The following HS6ST3 variants were observed in gnomAD, a reference collection of about 807,000 sequenced individuals.
HS6ST3 encodes heparan-sulfate 6-O-sulfotransferase 3.
In HS6ST3, 12 loss-of-function variants were observed where a neutral mutation model predicts 36.7. The observed-to-expected ratio is 0.33, with a 90% CI of 0.21 to 0.53. The LOEUF is 0.53. HS6ST3 is among the 20% of genes least tolerant of loss of function. HS6ST3 has a pLI of 0.95. For synonymous variants in HS6ST3, 240 were observed against 257.5 expected, an observed-to-expected ratio of 0.93 and a Z score of 0.65; for missense variants, 584 against 640.9, an observed-to-expected ratio of 0.91 and a Z score of 0.96.
intron 1 of HS6ST3, among the ~76,000 whole-genome samples, chr13:96,156,342 A>G (rs955502127): frequency 1.3e-5 from 2 of 152,226 alleles, no homozygotes; most frequent in Non-Finnish European, 2.9e-5. Context: ...GCAGACAAGA[A>G]GCACTGAGAA....
chr13:96,287,431 T>G (rs544541859), intron 1 of HS6ST3, among the ~76,000 whole-genome samples: 2 of 152,296 alleles, frequency 1.3e-5, no homozygotes, highest in East Asian at 3.9e-4. Context: ...AAGAACATTA[T>G]CCACATATAG....
intron 1 of HS6ST3, among the ~76,000 whole-genome samples, chr13:96,258,870 A>G (rs890224039): frequency 1.3e-5 from 2 of 152,174 alleles, no homozygotes; most frequent in Non-Finnish European, 1.5e-5. Context: ...ATAGGTGGTT[A>G]TAGATTAAAA....
intron 1 of HS6ST3, among the ~76,000 whole-genome samples, chr13:96,338,441 T>A (rs1190649959): frequency 6.6e-6 from 1 of 152,190 alleles, no homozygotes; most frequent in Admixed American, 6.5e-5. Context: ...CTCAGAATCC[T>A]TCTTTCTTTC....
At chr13:96,580,041 C>T (rs973866524) in intron 1 of HS6ST3, among the ~76,000 whole-genome samples, 7 of 151,862 alleles carry the variant, frequency 4.6e-5, no homozygotes, top group African/African-American at 1.7e-4. Context: ...CTATATAATA[C>T]CTTAAGATTT....
At chr13:96,830,663 G>A (rs773960648) in intron 1 of HS6ST3, among the ~76,000 whole-genome samples, 3 of 152,164 alleles carry the variant, frequency 2.0e-5, no homozygotes, top group Non-Finnish European at 2.9e-5. Context: ...GTACATGCTA[G>A]GTCACATTGA....
chr13:96,508,574 T>G (rs1241894838), intron 1 of HS6ST3, among the ~76,000 whole-genome samples: 1 of 152,140 alleles, frequency 6.6e-6, no homozygotes, highest in Non-Finnish European at 1.5e-5. Flanking sequence ...TATCATTCTG[T>G]ATGCCTTTGT....
chr13:96,251,502 A>G (rs141946963), intron 1 of HS6ST3, among the ~76,000 whole-genome samples: 1 of 151,894 alleles, frequency 6.6e-6, no homozygotes, highest in East Asian at 1.9e-4. Context: ...CTAAAGGTTT[A>G]TTGATTTTGT....
At chr13:96,674,168 T>G (rs1306854645) in intron 1 of HS6ST3, among the ~76,000 whole-genome samples, 1 of 152,046 alleles carries the variant, frequency 6.6e-6, no homozygotes. Flanking sequence ...GAGTGAGTTC[T>G]CATGAGATCT....
rs114616984 is a variant in HS6ST3, at chr13:96,205,562, G to A, written c.707+113993G>A. On this transcript the variant is annotated intron_variant, in intron 1 of 1. Transcript: ENST00000376705. Reference sequence around the variant, plus strand: ...CAGGCCAATATCCTTGATGAGCATCGATACAAAAATCTTCAATGAAATACT... The same window carrying A: ...CAGGCCAATATCCTTGATGAGCATCAATACAAAAATCTTCAATGAAATACT... 9.7e-3 allele frequency among the ~76,000 whole-genome samples: 1,480 copies of A among 152,090 alleles called. 25 individuals carry two copies. Among genetic ancestry groups the A allele is most frequent in the African/African-American group, 0.034 (1,420 of 41,472 alleles).
intron 1 of HS6ST3, among the ~76,000 whole-genome samples, chr13:96,671,264 T>G (rs572450893): frequency 6.7e-4 from 102 of 152,230 alleles, no homozygotes; most frequent in African/African-American, 2.4e-3. Flanking sequence ...CAAATTCTTT[T>G]GAACCCAAAT....
At chr13:96,533,309 A>T (rs1404136032) in intron 1 of HS6ST3, among the ~76,000 whole-genome samples, 1 of 152,172 alleles carries the variant, frequency 6.6e-6, no homozygotes, top group African/African-American at 2.4e-5. Context: ...ACATTTATTT[A>T]CTTAAAAACA....
chr13:96,250,966 T>G (rs1352696438), intron 1 of HS6ST3, among the ~76,000 whole-genome samples: 2 of 152,236 alleles, frequency 1.3e-5, no homozygotes, highest in Non-Finnish European at 1.5e-5. Context: ...CATAATCCTT[T>G]TAATGTACTG....
At chr13:96,361,808 A>G (rs1231279689) in intron 1 of HS6ST3, among the ~76,000 whole-genome samples, 1 of 152,214 alleles carries the variant, frequency 6.6e-6, no homozygotes, top group African/African-American at 2.4e-5. Flanking sequence ...TATTTGGTTC[A>G]TTAGAGATGC....
intron 1 of HS6ST3, among the ~76,000 whole-genome samples, chr13:96,665,395 A>C (rs1303787065): frequency 6.6e-6 from 1 of 152,186 alleles, no homozygotes; most frequent in Non-Finnish European, 1.5e-5. Flanking sequence ...GTAGTGAAGG[A>C]GTACTAAAAA....
Position 96,832,864 on chromosome 13 carries a change from A to G in HS6ST3, c.1082A>G (p.Gln361Arg). The change falls in exon 2 of 2, where the codon CAG (glutamine) becomes CGG (arginine). Residue 361 changes from glutamine to arginine, a missense_variant. By Grantham distance (43) the Gln-to-Arg change is conservative (BLOSUM62 1). Transcript: ENST00000376705. ...FGLTEFQRKT[Q>R]FLFERTFNLK... is the part of the protein sequence containing the mutation. ...CTCACTGAGTTCCAGAGGAAGACAC[A>G]GTTTCTCTTTGAGAGAACATTCAAC... The G allele has an allele frequency of 6.2e-7, 1 of 1,614,230 alleles. No homozygotes were observed. The highest frequency in any genetic ancestry group is 1.1e-5 in the South Asian group (1 of 91,078).
chr13:96,202,574 A>G (rs1223896175), intron 1 of HS6ST3, among the ~76,000 whole-genome samples: 1 of 152,216 alleles, frequency 6.6e-6, no homozygotes, highest in African/African-American at 2.4e-5. Flanking sequence ...GAATTGGAGC[A>G]GCTGCTCTCA....
At chr13:96,498,261 T>A (rs1309975213) in intron 1 of HS6ST3, among the ~76,000 whole-genome samples, 1 of 152,206 alleles carries the variant, frequency 6.6e-6, no homozygotes, top group East Asian at 1.9e-4. Flanking sequence ...GCCCAAACTT[T>A]AGGCAGTTAA....
intron 1 of HS6ST3, among the ~76,000 whole-genome samples, chr13:96,135,740 C>T (rs531828768): frequency 3.9e-5 from 6 of 152,244 alleles, no homozygotes; most frequent in South Asian, 4.1e-4. Flanking sequence ...GGATGGTGCC[C>T]GGTTCAAGAG....
At chr13:96,636,371 T>C (rs2056549852) in intron 1 of HS6ST3, among the ~76,000 whole-genome samples, 1 of 152,148 alleles carries the variant, frequency 6.6e-6, no homozygotes, top group African/African-American at 2.4e-5. Context: ...CCAAACATCA[T>C]TTTTATATCT....
Sources: allele counts gnomAD v4.1 joint callset (sites outside exome capture counted in the v4.1 genomes callset), GRCh38; gene constraint gnomAD v4.1.1; transcripts MANE v1.5; gene names NCBI Gene and HGNC (gene_info 2026-07-23, HGNC 2026-07-21).